The following NFIB variants were observed in gnomAD, a reference collection of about 807,000 sequenced individuals.
NFIB encodes the protein nuclear factor I B.
Under a neutral mutation model 61.5 loss-of-function variants are expected in NFIB, and 11 were observed. That is an observed-to-expected ratio of 0.18 (90% CI 0.11 to 0.30). The LOEUF (loss-of-function observed/expected upper bound fraction) is 0.30. Ranked by LOEUF, NFIB falls within the 10% of genes least tolerant of loss-of-function variation. The probability of loss-of-function intolerance (pLI) is 1.00; values close to 1 mark genes in which losing one functional copy is unlikely to be tolerated. For missense variants in NFIB, 471 were observed against 608.9 expected (o/e 0.77, Z 2.38); for synonymous variants, 260 against 216.5 (o/e 1.20, Z -1.76).
At chr9:14,091,514 A>G (rs1421639318) in intron 10 of NFIB, among the ~76,000 whole-genome samples, 4 of 152,086 alleles carry the variant, frequency 2.6e-5, no homozygotes, top group Admixed American at 6.6e-5. Context: ...CATAGTGAGA[A>G]TTACTATATG....
Position 14,086,787 on chromosome 9 carries a change from T to C in NFIB, c.*1522A>G, listed in dbSNP as rs185721745. On this transcript the variant is annotated 3_prime_UTR_variant, in exon 11 of 11. Coordinates refer to ENST00000380953, the MANE Select transcript of NFIB (RefSeq NM_001190737.2). ...ACTTTGTTGTATTTTTTTGTTTTTT[T>C]TTTTTTGTTTTTTGTTTTTTAGATT... is the stretch of plus-strand genomic sequence containing the variant. 4.8e-6 allele frequency: 1 copy of C among 207,546 alleles called. No individual in the cohort carries two copies. Among genetic ancestry groups the C allele is most frequent in the Non-Finnish European group, 9.8e-6 (1 of 101,578 alleles). The allele number at this position is 207,546 out of a possible 1,614,324, so 12.9% of individuals were successfully genotyped here.
the NFIB span, among the ~76,000 whole-genome samples, chr9:14,465,776 G>A: frequency 1.3e-5 from 2 of 152,052 alleles, no homozygotes; most frequent in African/African-American, 4.8e-5. Flanking sequence ...GGACATTTGG[G>A]GCCGAGACAA....
intron 2 of NFIB, among the ~76,000 whole-genome samples, chr9:14,232,860 C>T (rs1426240125): frequency 1.3e-5 from 2 of 151,952 alleles, no homozygotes; most frequent in Non-Finnish European, 2.9e-5. Context: ...TGTAACTATC[C>T]TAGTCTATAA....
intron 2 of NFIB, among the ~76,000 whole-genome samples, chr9:14,287,154 G>A (rs569054334): frequency 8.6e-5 from 13 of 151,570 alleles, no homozygotes; most frequent in Admixed American, 4.6e-4. Context: ...ATTATAGGCC[G>A]GGCGCGGTGG....
At position 14,360,656 on chromosome 9, in the gene NFIB, T is replaced by C. The variant is rs2061228023; in HGVS notation, c.108+37868A>G. Among the ~76,000 whole-genome samples the C allele has an allele frequency of 3.3e-5, 5 of 151,912 alleles. No homozygotes were observed. The South Asian group carries it at 1.0e-3, about 32-fold the overall frequency. The stretch of plus-strand genomic sequence containing the variant: ...GCCTCCCGGGCTCACACCATTCTCC[T>C]GCCTCAGCCTTCTGAGCAGCTGGGA... On this transcript the variant is annotated intron_variant, in intron 1 of 8. Coordinates refer to the NFIB transcript ENST00000380934.
intron 10 of NFIB, among the ~76,000 whole-genome samples, chr9:14,103,078 T>G (rs73409967): frequency 6.6e-6 from 1 of 152,312 alleles, no homozygotes; most frequent in African/African-American, 2.4e-5. Context: ...TAGAAAGAGT[T>G]GATAAGCATT....
At chr9:14,400,805 T>A (rs941191264), upstream of NFIB, among the ~76,000 whole-genome samples, 1 of 152,190 alleles carries the variant, frequency 6.6e-6, no homozygotes, top group Non-Finnish European at 1.5e-5. Flanking sequence ...GCTAATGGGA[T>A]GTACCCATTG....
the NFIB span, among the ~76,000 whole-genome samples, chr9:14,529,801 A>G: frequency 6.6e-6 from 1 of 152,194 alleles, no homozygotes; most frequent in African/African-American, 2.4e-5. Flanking sequence ...ACCAAAATAA[A>G]TTACGCAATA....
chr9:14,097,803 T>C lies in NFIB; in HGVS notation c.1468-9477A>G, dbSNP rs144713743. 2.3e-3 allele frequency among the ~76,000 whole-genome samples: 343 copies of C among 151,814 alleles called. 3 individuals carry two copies. The highest frequency in any genetic ancestry group is 7.7e-3 in the African/African-American group (317 of 41,412). On this transcript the variant is annotated intron_variant, in intron 10 of 10. Transcript: ENST00000380953. ...AGGAAAATGGCTGAGGTGAGTGTTA[T>C]GCAAATTAAGTTACATGGATAAAAT...
intron 1 of NFIB, among the ~76,000 whole-genome samples, chr9:14,370,452 A>G (rs1185912627): frequency 3.3e-5 from 5 of 152,344 alleles, no homozygotes; most frequent in East Asian, 3.9e-4. Context: ...AGTGTAAATG[A>G]TAAGAGGAAG....
chr9:14,306,224 G>A (rs1031758922), intron 2 of NFIB, among the ~76,000 whole-genome samples: 1 of 151,958 alleles, frequency 6.6e-6, no homozygotes, highest in African/African-American at 2.4e-5. Flanking sequence ...TCCACTTTCT[G>A]TTTTTTGTTC....
intron 2 of NFIB, among the ~76,000 whole-genome samples, chr9:14,285,404 G>A (rs142317215): frequency 2.6e-5 from 4 of 152,334 alleles, no homozygotes; most frequent in South Asian, 2.1e-4. Flanking sequence ...TTACAGGCGT[G>A]AGCCATCGCG....
chr9:14,189,387 A>T (rs2047695198), intron 2 of NFIB, among the ~76,000 whole-genome samples: 1 of 152,152 alleles, frequency 6.6e-6, no homozygotes, highest in Admixed American at 6.5e-5. Flanking sequence ...AAACCATTTC[A>T]CGCACGAATC....
intron 1 of NFIB, among the ~76,000 whole-genome samples, chr9:14,385,588 G>GA (rs1455462851): frequency 6.6e-6 from 1 of 151,962 alleles, no homozygotes. Flanking sequence ...TAGAAGGAAG[G>GA]AAAAAAACCC....
intron 2 of NFIB, among the ~76,000 whole-genome samples, chr9:14,234,844 T>C (rs1370542028): frequency 6.6e-6 from 1 of 151,108 alleles, no homozygotes; most frequent in East Asian, 1.9e-4. Flanking sequence ...TCAACATACG[T>C]TTTTAAAAAC....
chr9:14,215,675 T>G (rs766438683), intron 2 of NFIB, among the ~76,000 whole-genome samples: 18 of 152,196 alleles, frequency 1.2e-4, no homozygotes, highest in Non-Finnish European at 2.5e-4. Context: ...GTACTTTTTG[T>G]TCTTCTGGAT....
intron 2 of NFIB, among the ~76,000 whole-genome samples, chr9:14,275,343 C>T (rs1006916971): frequency 2.0e-5 from 3 of 152,104 alleles, no homozygotes; most frequent in African/African-American, 7.2e-5. Context: ...TTACTCTAAT[C>T]GTTGAACACA....
chr9:14,083,841 G>T lies in NFIB; in HGVS notation c.*4468C>A, dbSNP rs556269716. 1 of 225,466 alleles carries T rather than the reference G, an allele frequency of 4.4e-6. No individual in the cohort carries two copies. Among genetic ancestry groups the T allele is most frequent in the South Asian group, 1.8e-4 (1 of 5,442 alleles). 14.0% of individuals were successfully genotyped at this position (225,466 alleles called of 1,614,324 possible). On this transcript the variant is annotated 3_prime_UTR_variant, in exon 11 of 11. Transcript: ENST00000380953. ...CCAAGATTCTGCTCCCTGAGGACACGTTATGTGAGACATAGCACTGTTTTA... is the reference window on the plus strand; with the variant it reads ...CCAAGATTCTGCTCCCTGAGGACACTTTATGTGAGACATAGCACTGTTTTA...
chr9:14,133,896 T>C (rs1304861858), intron 6 of NFIB, among the ~76,000 whole-genome samples: 2 of 149,420 alleles, frequency 1.3e-5, no homozygotes, highest in African/African-American at 5.1e-5. Flanking sequence ...GGACTGATGA[T>C]GGGTGAGGGT....
Sources: allele counts gnomAD v4.1 joint callset (sites outside exome capture counted in the v4.1 genomes callset), GRCh38; gene constraint gnomAD v4.1.1; transcripts MANE v1.5; gene names NCBI Gene and HGNC (gene_info 2026-07-23, HGNC 2026-07-21).